NUMB: variants seen among roughly 807,000 people sequenced by gnomAD.
The protein encoded by NUMB is NUMB endocytic adaptor protein, also known as protein numb homolog.
NUMB carries 29 observed loss-of-function variants against 59.7 expected under a neutral mutation model. The ratio of observed to expected loss-of-function variants is 0.49; its 90% CI spans 0.36 to 0.66. The LOEUF is 0.66. NUMB is among the 30% of genes least tolerant of loss of function. NUMB has a pLI of 0.00. For synonymous variants in NUMB, 288 were observed against 288.2 expected (o/e 1.00, Z 0.01); for missense variants, 723 against 822.0 (o/e 0.88, Z 1.47).
At position 73,323,164 on chromosome 14, in the gene NUMB, T is replaced by C; in HGVS notation, c.167A>G (p.His56Arg). ...HVEVDESRGM[H>R]ICEDAVKRLK... ...TCTTTTTACAGCATCTTCACAGATG[T>C]GCATTCCTCTTGATTCATCAACTTC... The change falls in exon 5 of 13, where the codon CAC (histidine) becomes CGC (arginine). Residue 56 changes from histidine (H) to arginine (R), a missense_variant. By Grantham distance (29) the His-to-Arg change is conservative. This residue lies in a region of NUMB where 317 missense variants were observed against 436.6 expected (regional missense o/e 0.73). Transcript: ENST00000555238. The C allele has an allele frequency of 6.2e-7, 1 of 1,613,762 alleles. No homozygotes were observed. Among genetic ancestry groups the C allele is most frequent in the Non-Finnish European group, 8.5e-7 (1 of 1,179,752 alleles).
In NUMB at chr14:73,340,801, T is replaced by C. The variant is rs747156161; in HGVS notation, c.126+14825A>G. On this transcript the variant is annotated intron_variant, in intron 4 of 12. Coordinates refer to ENST00000555238, the MANE Select transcript of NUMB (RefSeq NM_001005743.2). ...TAGGACAGAATGCAAATGACTGATA[T>C]GGTTTGGCTCTGTGTCCCCACTGAA... is the stretch of plus-strand genomic sequence containing the variant. Among the ~76,000 whole-genome samples, 5 of 152,216 alleles carry C rather than the reference T, an allele frequency of 3.3e-5. No homozygotes were observed. The East Asian group carries it at 7.7e-4, about 23-fold the overall frequency.
intron 4 of NUMB, among the ~76,000 whole-genome samples, chr14:73,344,608 G>C (rs1478190117): frequency 6.6e-6 from 1 of 152,156 alleles, no homozygotes; most frequent in Non-Finnish European, 1.5e-5. Flanking sequence ...ACAATTCCTA[G>C]TAACAACTGA....
intron 1 of NUMB, among the ~76,000 whole-genome samples, chr14:73,433,438 A>T (rs558086446): frequency 1.9e-4 from 29 of 152,192 alleles, no homozygotes; most frequent in Non-Finnish European, 3.4e-4. Flanking sequence ...AAATTTTTTT[A>T]AAGTAGTAGT....
intron 2 of NUMB, among the ~76,000 whole-genome samples, chr14:73,367,304 C>T (rs1421432857): frequency 5.7e-5 from 7 of 123,458 alleles, no homozygotes; most frequent in South Asian, 2.4e-4. Flanking sequence ...TATACACACA[C>T]ACACACACAC....
At chr14:73,393,913 GTTTAAA>G (rs1425309657) in intron 2 of NUMB, among the ~76,000 whole-genome samples, 11 of 152,194 alleles carry the variant, frequency 7.2e-5, no homozygotes, top group South Asian at 4.1e-4. Context: ...AATCTTAACT[GTTTAAA>G]TTTAATTTTA....
At chr14:73,303,737 T>C (rs1890273163) in intron 6 of NUMB, among the ~76,000 whole-genome samples, 1 of 152,206 alleles carries the variant, frequency 6.6e-6, no homozygotes, top group Non-Finnish European at 1.5e-5. Flanking sequence ...ATAGGTAGAA[T>C]TCACACTGAC....
intron 6 of NUMB, among the ~76,000 whole-genome samples, chr14:73,310,177 A>G (rs1478527618): frequency 1.3e-5 from 2 of 152,186 alleles, no homozygotes; most frequent in African/African-American, 2.4e-5. Flanking sequence ...TTAAAGGCAC[A>G]TAACAAATGA....
At chr14:73,313,701 C>T (rs962215804) in intron 6 of NUMB, among the ~76,000 whole-genome samples, 1 of 142,270 alleles carries the variant, frequency 7.0e-6, no homozygotes, top group Admixed American at 7.1e-5. Context: ...AATCCATAAC[C>T]CTTCAGGTCC....
chr14:73,442,784 T>A (rs1466137588), intron 1 of NUMB, among the ~76,000 whole-genome samples: 1 of 152,188 alleles, frequency 6.6e-6, no homozygotes, highest in East Asian at 1.9e-4. Flanking sequence ...TTACAAAAGG[T>A]AGAAAACTTT....
rs1594849215 is a variant in NUMB at position 73,276,410 on chromosome 14, G to GTCTT, written c.*164_*167dup. On this transcript the variant is annotated 3_prime_UTR_variant, in exon 13 of 13. Transcript: ENST00000555238. The stretch of plus-strand genomic sequence containing the variant: ...TTTCTCTAGGAATGCTTTTTCCCAT[G>GTCTT]TCTTTCAAAATCACCCCTCACAGTA... The GTCTT allele has an allele frequency of 3.5e-6, 2 of 576,048 alleles. No individual in the cohort carries two copies. Among genetic ancestry groups the GTCTT allele is most frequent in the Admixed American group, 3.2e-5 (1 of 31,556 alleles). The allele number at this position is 576,048 out of a possible 1,614,324, so 35.7% of individuals were successfully genotyped here.
chr14:73,392,679 A>G (rs1210017891), intron 2 of NUMB, among the ~76,000 whole-genome samples: 1 of 152,210 alleles, frequency 6.6e-6, no homozygotes, highest in Non-Finnish European at 1.5e-5. Context: ...TTTGGCCTAT[A>G]ATAACAATAA....
intron 2 of NUMB, among the ~76,000 whole-genome samples, chr14:73,375,779 A>G (rs923501218): frequency 1.6e-4 from 24 of 152,354 alleles, no homozygotes; most frequent in African/African-American, 5.8e-4. Context: ...AATATAATCC[A>G]TCATATTAAC....
chr14:73,354,184 AG>A (rs1244348965), intron 4 of NUMB, among the ~76,000 whole-genome samples: 24 of 152,058 alleles, frequency 1.6e-4, no homozygotes, highest in African/African-American at 5.1e-4. Context: ...AGTAAAAAGG[AG>A]GAAGAAAATC....
intron 2 of NUMB, among the ~76,000 whole-genome samples, chr14:73,375,440 G>A (rs1894905286): frequency 1.3e-5 from 2 of 152,046 alleles, no homozygotes; most frequent in African/African-American, 4.8e-5. Context: ...AAAATCCCAG[G>A]TAATGTGTGT....
intron 1 of NUMB, among the ~76,000 whole-genome samples, chr14:73,456,171 A>G (rs1884356745): frequency 6.6e-6 from 1 of 151,316 alleles, no homozygotes; most frequent in Admixed American, 6.6e-5. Flanking sequence ...ATGCAATGGC[A>G]TGATCTCGGC....
At chr14:73,362,093 C>T (rs1179796320) in intron 3 of NUMB, among the ~76,000 whole-genome samples, 1 of 151,698 alleles carries the variant, frequency 6.6e-6, no homozygotes, top group African/African-American at 2.4e-5. Context: ...CCCATCTTTA[C>T]AAAAAATACA....
rs1241935881 is a variant in NUMB at position 73,275,750 on chromosome 14, C to T, written c.*828G>A. 4 of 152,564 alleles carry T rather than the reference C, an allele frequency of 2.6e-5. No homozygotes were observed. Among genetic ancestry groups the T allele is most frequent in the South Asian group, 2.1e-4 (1 of 4,824 alleles). The allele number at this position is 152,564 out of a possible 1,614,324, so 9.5% of individuals were successfully genotyped here. A position where few individuals can be genotyped will look rare whatever the true frequency, so the allele number is the denominator to read the frequency against. On this transcript the variant is annotated 3_prime_UTR_variant, in exon 13 of 13. Transcript: ENST00000555238. ...ACCTAGTGACTGTATTGGTCATAAG[C>T]ATGATTGTTGTTGCAATGTGCTACT...
intron 8 of NUMB, among the ~76,000 whole-genome samples, chr14:73,291,681 ATTTCT>A (rs1396838193): frequency 1.3e-5 from 2 of 149,018 alleles, no homozygotes; most frequent in African/African-American, 2.5e-5. Flanking sequence ...CCCGGCCAGT[ATTTCT>A]TTTTTCTTTT....
intron 1 of NUMB, among the ~76,000 whole-genome samples, chr14:73,416,776 A>C (rs996973995): frequency 1.3e-5 from 2 of 152,108 alleles, no homozygotes; most frequent in African/African-American, 2.4e-5. Context: ...TGGGAGGCAG[A>C]GGTTGCAGTT....
Sources: gnomAD v4.1 joint callset for allele counts (sites outside exome capture counted in the v4.1 genomes callset) on GRCh38, gnomAD v4.1.1 for gene constraint, gnomAD v4.1.1 regional missense constraint, MANE v1.5 for transcripts, NCBI Gene and HGNC (gene_info 2026-07-23, HGNC 2026-07-21) for gene names.